SLC8A1: variants seen among roughly 807,000 people sequenced by gnomAD.
SLC8A1 encodes the protein solute carrier family 8 member A1, also known as sodium/calcium exchanger 1.
A neutral mutation model predicts 68.3 loss-of-function variants in SLC8A1; 18 were observed. The ratio of observed to expected loss-of-function variants is 0.26; its 90% CI spans 0.18 to 0.39. The LOEUF (loss-of-function observed/expected upper bound fraction) is 0.39, where lower values mean the gene tolerates loss of function less well. Among genes scored for constraint, SLC8A1 ranks in the 10% least tolerant of loss-of-function variants. The pLI is 1.00. For synonymous variants in SLC8A1, 475 were observed against 415.5 expected (o/e 1.14, Z -1.74); for missense variants, 985 against 1,156.7 (o/e 0.85, Z 2.15).
chr2:40,491,829 T>A (rs1156435420), intron 1 of SLC8A1, among the ~76,000 whole-genome samples: 2 of 152,186 alleles, frequency 1.3e-5, no homozygotes, highest in East Asian at 3.9e-4. Context: ...AGACCACTGC[T>A]CAGTGAAATA....
At chr2:40,193,722 C>T (rs2052355022) in intron 2 of SLC8A1, among the ~76,000 whole-genome samples, 7 of 152,052 alleles carry the variant, frequency 4.6e-5, no homozygotes. Flanking sequence ...AGTACAATCA[C>T]TAACTCTAGA....
chr2:40,212,283 C>CT (rs11369856), intron 2 of SLC8A1, among the ~76,000 whole-genome samples: 9,066 of 136,676 alleles, frequency 0.066, 389 homozygotes, highest in African/African-American at 0.1. Flanking sequence ...GATGCAATAT[C>CT]TTTTTTTTTT....
At chr2:40,425,094 G>C (rs1696503983) in intron 2 of SLC8A1, among the ~76,000 whole-genome samples, 1 of 151,704 alleles carries the variant, frequency 6.6e-6, no homozygotes, top group African/African-American at 2.4e-5. Context: ...AAAATTAGTT[G>C]GCATTGGTTT....
intron 2 of SLC8A1, among the ~76,000 whole-genome samples, chr2:40,182,524 C>T (rs1424640689): frequency 6.6e-6 from 1 of 152,138 alleles, no homozygotes; most frequent in Non-Finnish European, 1.5e-5. Flanking sequence ...TAAGAAAGAT[C>T]AATTTATTCA....
intron 2 of SLC8A1, among the ~76,000 whole-genome samples, chr2:40,228,691 T>C (rs575153844): frequency 6.7e-4 from 102 of 152,292 alleles, no homozygotes; most frequent in African/African-American, 2.4e-3. Context: ...TATGCAGATA[T>C]CTGCTGCCAT....
intron 7 of SLC8A1, among the ~76,000 whole-genome samples, chr2:40,123,819 T>C (rs758602809): frequency 4.6e-5 from 7 of 152,238 alleles, no homozygotes; most frequent in Non-Finnish European, 7.3e-5. Context: ...GCTGAATTAA[T>C]TGTCATTTTC....
intron 7 of SLC8A1, among the ~76,000 whole-genome samples, chr2:40,129,579 C>A (rs2038903414): frequency 6.6e-6 from 1 of 152,138 alleles, no homozygotes; most frequent in Non-Finnish European, 1.5e-5. Context: ...AAGTCATCAA[C>A]TCAACATTAT....
intron 2 of SLC8A1, among the ~76,000 whole-genome samples, chr2:40,184,919 AGGAAAAGAAAG>A (rs2050412494): frequency 2.1e-5 from 3 of 144,172 alleles, no homozygotes; most frequent in African/African-American, 2.6e-5. Flanking sequence ...AAAAAAAAAA[AGGAAAAGAAAG>A]AAAAAAAGAT....
intron 2 of SLC8A1, among the ~76,000 whole-genome samples, chr2:40,394,605 G>T (rs1416448536): frequency 6.6e-6 from 1 of 151,522 alleles, no homozygotes; most frequent in Admixed American, 6.6e-5. Flanking sequence ...ATTGATTTTT[G>T]AAAATAAAGT....
chr2:40,489,021 G>A (rs1705152407), intron 1 of SLC8A1, among the ~76,000 whole-genome samples: 1 of 152,032 alleles, frequency 6.6e-6, no homozygotes, highest in South Asian at 2.1e-4. Flanking sequence ...ATACTCTAAC[G>A]ATAAGAACTG....
At chr2:40,274,065 C>G (rs1328073993) in intron 2 of SLC8A1, among the ~76,000 whole-genome samples, 2 of 151,160 alleles carry the variant, frequency 1.3e-5, no homozygotes, top group Non-Finnish European at 2.9e-5. Context: ...TCGAGCACTG[C>G]TTTTAGATCA....
chr2:40,246,036 G>C lies in SLC8A1; in HGVS notation c.1809-68181C>G, dbSNP rs1024304662. Among the ~76,000 whole-genome samples the C allele has an allele frequency of 2.0e-5, 3 of 152,192 alleles. No individual in the cohort carries two copies. The East Asian group carries it at 5.8e-4, about 29-fold the overall frequency. The stretch of plus-strand genomic sequence containing the variant: ...ATGCCATATGACCTGTCTTAGACTA[G>C]TTTAAGAAATAGCTTCTCAATTAAC... On this transcript the variant is annotated intron_variant, in intron 2 of 7. Coordinates refer to ENST00000406785, the Ensembl canonical transcript of SLC8A1.
rs534788238 is a variant in SLC8A1, at chr2:40,302,678, G to A, written c.1809-124823C>T. On this transcript the variant is annotated intron_variant, in intron 2 of 7. Coordinates refer to ENST00000406785, the Ensembl canonical transcript of SLC8A1. ...GGGCTGATTCTATGTTTTTGCAGTT[G>A]CAAATTGTGCTGCTATAAACATGCA... Among the ~76,000 whole-genome samples, 4 of 151,856 alleles carry A rather than the reference G, an allele frequency of 2.6e-5. No individual in the cohort carries two copies. In the East Asian group the frequency reaches 7.7e-4, roughly 29 times the overall value.
At chr2:40,365,711 G>C (rs1401778128) in intron 2 of SLC8A1, among the ~76,000 whole-genome samples, 1 of 151,990 alleles carries the variant, frequency 6.6e-6, no homozygotes, top group Non-Finnish European at 1.5e-5. Context: ...TCTAAAACTT[G>C]CTTATTTGGC....
intron 7 of SLC8A1, among the ~76,000 whole-genome samples, chr2:40,120,099 T>C (rs1441529958): frequency 2.6e-5 from 4 of 152,212 alleles, no homozygotes; most frequent in Admixed American, 6.5e-5. Context: ...TAAACATCTC[T>C]TCTGCAAAAA....
intron 2 of SLC8A1, among the ~76,000 whole-genome samples, chr2:40,369,448 A>G (rs953603717): frequency 1.3e-5 from 2 of 152,070 alleles, no homozygotes; most frequent in Non-Finnish European, 2.9e-5. Flanking sequence ...ACATGCATGA[A>G]CTTCAAGAAT....
chr2:40,127,296 C>T (rs1263051968), intron 7 of SLC8A1, among the ~76,000 whole-genome samples: 1 of 152,120 alleles, frequency 6.6e-6, no homozygotes, highest in East Asian at 1.9e-4. Context: ...TCAGGTTCTT[C>T]TATGTGGTTT....
At chr2:40,147,103 C>T (rs1479315015) in intron 6 of SLC8A1, among the ~76,000 whole-genome samples, 2 of 152,132 alleles carry the variant, frequency 1.3e-5, no homozygotes, top group African/African-American at 4.8e-5. Context: ...AAATATTTCT[C>T]AGCAAATGTA....
chr2:40,419,362 T>C lies in SLC8A1; in HGVS notation c.1808+9111A>G, dbSNP rs576529268. 3.3e-5 allele frequency among the ~76,000 whole-genome samples: 5 copies of C among 152,298 alleles called. No homozygotes were observed. In the East Asian group the frequency reaches 9.7e-4, roughly 29 times the overall value. ...ATTTCCTTACTCTCATACTGTCTTC[T>C]GTTTGCGTGAGCAAGAGTATGGACT... On this transcript the variant is annotated intron_variant, in intron 2 of 7. Coordinates refer to ENST00000406785, the Ensembl canonical transcript of SLC8A1.
Sources: allele counts gnomAD v4.1 joint callset (sites outside exome capture counted in the v4.1 genomes callset), GRCh38; gene constraint gnomAD v4.1.1; transcripts MANE v1.5; gene names NCBI Gene and HGNC (gene_info 2026-07-23, HGNC 2026-07-21).